SLCO5A1: variants seen among roughly 807,000 people sequenced by gnomAD.
The protein encoded by SLCO5A1 is organic anion transporter polypeptide-related protein 4.
SLCO5A1 carries 39 observed loss-of-function variants against 65.1 expected under a neutral mutation model. That is an observed-to-expected ratio of 0.60 (90% confidence interval 0.46 to 0.78). The LOEUF is 0.78. Among genes scored for constraint, SLCO5A1 ranks in the 30% least tolerant of loss-of-function variants. The pLI is 0.00. For synonymous variants in SLCO5A1, 438 were observed against 415.7 expected (o/e 1.05, Z -0.65); for missense variants, 1,029 against 1,069.4 (o/e 0.96, Z 0.53).
chr8:69,832,210 G>C lies in SLCO5A1; in HGVS notation c.464C>G (p.Thr155Ser), dbSNP rs1418683142. 3 of 1,614,174 alleles carry C rather than the reference G, an allele frequency of 1.9e-6. No homozygotes were observed. The highest frequency in any genetic ancestry group is 3.3e-5 in the Admixed American group (2 of 60,028). The change falls in exon 2 of 10, where the codon ACC (threonine) becomes AGC (serine). Residue 155 changes from threonine to serine, a missense_variant. Physicochemically the swap from Thr to Ser is moderately conservative, Grantham distance 58. Around this residue, in one of 3 missense-constraint regions of SLCO5A1, gnomAD observed 647 missense variants for 647.5 expected, o/e 1.00. Coordinates refer to ENST00000260126, the MANE Select transcript of SLCO5A1 (RefSeq NM_030958.3). This position sits in a 1 kb window ranked among gnomAD's most constrained non-coding sequence, Gnocchi z 4.5. The stretch of plus-strand genomic sequence containing the variant: ...CTTCAGACTGTAGCGCCTTTCAATG[G>C]TGGTAATTACGCTGCTCAGGTACCC... ...VSGYLSSVIT[T>S]IERRYSLKSS...
chr8:69,704,084 A>G (rs1043654135), intron 6 of SLCO5A1, among the ~76,000 whole-genome samples: 1 of 148,604 alleles, frequency 6.7e-6, no homozygotes, highest in African/African-American at 2.5e-5. Context: ...TACTTTTTGT[A>G]TAAATGGGTT....
intron 2 of SLCO5A1, among the ~76,000 whole-genome samples, chr8:69,792,365 A>G (rs1819310410): frequency 6.6e-6 from 1 of 152,202 alleles, no homozygotes; most frequent in African/African-American, 2.4e-5. Flanking sequence ...GTACAGAAAT[A>G]TGGTAGGAAA....
chr8:69,691,905 A>G (rs1001893687), intron 6 of SLCO5A1, among the ~76,000 whole-genome samples: 2 of 152,200 alleles, frequency 1.3e-5, no homozygotes, highest in Non-Finnish European at 2.9e-5. Context: ...AGGCAATTAC[A>G]ACACAATGGC....
intron 2 of SLCO5A1, among the ~76,000 whole-genome samples, chr8:69,799,846 G>A (rs1819660556): frequency 6.6e-6 from 1 of 152,198 alleles, no homozygotes; most frequent in South Asian, 2.1e-4. Flanking sequence ...AACATGTGGG[G>A]ATTAGGGGAA....
At chr8:69,779,414 T>C (rs1354221808) in intron 2 of SLCO5A1, among the ~76,000 whole-genome samples, 1 of 152,234 alleles carries the variant, frequency 6.6e-6, no homozygotes, top group African/African-American at 2.4e-5. Flanking sequence ...AGAAAATTTA[T>C]TTGTAAAATC....
chr8:69,668,622 TAA>T lies in SLCO5A1; in HGVS notation c.*4245_*4246del, dbSNP rs1469001875. 6.6e-6 allele frequency: 1 copy of T among 152,138 alleles called. No homozygotes were observed. Among genetic ancestry groups the T allele is most frequent in the African/African-American group, 2.4e-5 (1 of 41,424 alleles). The allele number at this position is 152,138 out of a possible 1,614,324, so 9.4% of individuals were successfully genotyped here. Reference sequence around the variant, plus strand: ...CAATGCTTCAGCTCCATCCAAACTCTAAAGTTTCTCTTTGGTACATGCACGGT... The same window carrying T: ...CAATGCTTCAGCTCCATCCAAACTCTAGTTTCTCTTTGGTACATGCACGGT... On this transcript the variant is annotated 3_prime_UTR_variant, in exon 10 of 10. Transcript: ENST00000260126.
rs962428598 is a variant in SLCO5A1, at chr8:69,697,435, GC to G, written c.1622+7595del. 8.5e-5 allele frequency among the ~76,000 whole-genome samples: 13 copies of G among 152,210 alleles called. 1 individual carries two copies. The highest frequency in any genetic ancestry group is 3.1e-4 in the African/African-American group (13 of 41,532). On this transcript the variant is annotated intron_variant, in intron 6 of 9. Transcript: ENST00000260126. ...ATACACACACAGCTCTACGAACAGT[GC>G]CCAAAGAGCTCATATTTTAGACAGA...
intron 2 of SLCO5A1, among the ~76,000 whole-genome samples, chr8:69,762,078 T>C (rs2130864409): frequency 6.6e-6 from 1 of 152,364 alleles, no homozygotes; most frequent in Admixed American, 6.5e-5. Flanking sequence ...TCTTAGAGCG[T>C]AAGAATCATT....
In SLCO5A1 at chr8:69,832,408, G is replaced by A. The variant is rs1821204202; in HGVS notation, c.266C>T (p.Ser89Leu). ...GTGGTTACAGTCCCCGAGCCCCGCC[G>A]AAGTGGACGGGGCAGAGGGACTGGG... ...LAPSPSAPST[S>L]AGLGDCNHRV... The change falls in exon 2 of 10, where the codon TCG becomes TTG. Residue 89 changes from serine to leucine, a missense_variant. Physicochemically the swap from Ser to Leu is moderately radical, Grantham distance 145. Transcript: ENST00000260126. This position sits in a 1 kb window ranked among gnomAD's most constrained non-coding sequence, Gnocchi z 4.5. The A allele has an allele frequency of 6.2e-7, 1 of 1,612,284 alleles. No homozygotes were observed. Among genetic ancestry groups the A allele is most frequent in the Non-Finnish European group, 8.5e-7 (1 of 1,179,302 alleles).
At chr8:69,823,249 A>G (rs188922261) in intron 2 of SLCO5A1, among the ~76,000 whole-genome samples, 1 of 152,366 alleles carries the variant, frequency 6.6e-6, no homozygotes, top group East Asian at 1.9e-4. Flanking sequence ...TCATAAAGAC[A>G]GGATCAAAGT....
intron 2 of SLCO5A1, among the ~76,000 whole-genome samples, chr8:69,773,528 C>T (rs1292409264): frequency 6.6e-6 from 1 of 152,210 alleles, no homozygotes; most frequent in Non-Finnish European, 1.5e-5. Flanking sequence ...TCTCTGTCCA[C>T]CTCATTCCTG....
chr8:69,799,716 G>C (rs1055064076), intron 2 of SLCO5A1, among the ~76,000 whole-genome samples: 1 of 152,162 alleles, frequency 6.6e-6, no homozygotes, highest in Non-Finnish European at 1.5e-5. Flanking sequence ...GCGAAGAGAG[G>C]TACTGAGCAA....
chr8:69,730,249 T>C (rs1172416751), intron 5 of SLCO5A1, among the ~76,000 whole-genome samples: 1 of 152,156 alleles, frequency 6.6e-6, no homozygotes, highest in African/African-American at 2.4e-5. Context: ...ACAGATAATA[T>C]TGATTCTGGA....
chr8:69,755,575 T>A lies in SLCO5A1; in HGVS notation c.1107A>T (p.Pro369=). ...TCTTGTGTCGAGGTGGAAGCTTTTT[T>A]GGGAAAGTAAACATTGGGAATATCA... ...FLVIFPMFTF[P]KKLPPRHKKK... The change falls in exon 4 of 10, where the codon CCA becomes CCT. Residue 369 remains proline, a synonymous_variant. Coordinates refer to ENST00000260126, the MANE Select transcript of SLCO5A1 (RefSeq NM_030958.3). 1 of 1,614,076 alleles carries A rather than the reference T, an allele frequency of 6.2e-7. No individual in the cohort carries two copies. Among genetic ancestry groups the A allele is most frequent in the Non-Finnish European group, 8.5e-7 (1 of 1,179,994 alleles).
chr8:69,804,611 C>T (rs1563734429), intron 2 of SLCO5A1, among the ~76,000 whole-genome samples: 1 of 152,152 alleles, frequency 6.6e-6, no homozygotes, highest in South Asian at 2.1e-4. Context: ...CCACCGTGCC[C>T]AGCTGCTTCT....
At chr8:69,744,268 C>CT (rs1816927964) in intron 4 of SLCO5A1, among the ~76,000 whole-genome samples, 1 of 152,232 alleles carries the variant, frequency 6.6e-6, no homozygotes, top group Non-Finnish European at 1.5e-5. Flanking sequence ...ATGAACACCA[C>CT]TGAGTGCGCC....
At position 69,784,869 on chromosome 8, in the gene SLCO5A1, G is replaced by A. The variant is rs1445542309; in HGVS notation, c.908-22994C>T. On this transcript the variant is annotated intron_variant, in intron 2 of 9. Transcript: ENST00000260126. ...AAAGAAAGAAAGAAAGAAAGGGAAGGAAGGAGAAAGAAAGAAAGAAGAAAG... is the reference window on the plus strand; with the variant it reads ...AAAGAAAGAAAGAAAGAAAGGGAAGAAAGGAGAAAGAAAGAAAGAAGAAAG... 7.4e-3 allele frequency among the ~76,000 whole-genome samples: 474 copies of A among 63,726 alleles called. 7 individuals are homozygous for A. Among genetic ancestry groups the A allele is most frequent in the African/African-American group, 0.031 (446 of 14,250 alleles). The allele number at this position is 63,726 out of a possible 152,430, so 41.8% of individuals were successfully genotyped here.
chr8:69,820,138 G>A (rs560350170), intron 2 of SLCO5A1, among the ~76,000 whole-genome samples: 30 of 152,160 alleles, frequency 2.0e-4, no homozygotes, highest in Non-Finnish European at 3.2e-4. Context: ...TCAAAATCAC[G>A]TTAACTGGAA....
chr8:69,794,393 T>C (rs1321635132), intron 2 of SLCO5A1: 1 of 437,662 alleles, frequency 2.3e-6, no homozygotes, highest in Non-Finnish European at 4.5e-6. Context: ...AGATGGTGAA[T>C]TTAGACACCA....
Sources: allele counts gnomAD v4.1 joint callset (sites outside exome capture counted in the v4.1 genomes callset), GRCh38; gene constraint gnomAD v4.1.1; regional missense constraint gnomAD v4.1.1; non-coding constraint Gnocchi (gnomAD v3.1); transcripts MANE v1.5; gene names NCBI Gene and HGNC (gene_info 2026-07-23, HGNC 2026-07-21).